The following LRRC28 variants were observed in gnomAD, a reference collection of about 807,000 sequenced individuals.
LRRC28 encodes leucine-rich repeat-containing protein 28.
Under a neutral mutation model 45.7 loss-of-function variants are expected in LRRC28, and 39 were observed. The ratio of observed to expected loss-of-function variants is 0.85; its 90% CI spans 0.66 to 1.12. The LOEUF (loss-of-function observed/expected upper bound fraction) is 1.12, where lower values mean the gene tolerates loss of function less well. LRRC28 is among the 50% of genes most tolerant of loss of function. LRRC28 has a pLI of 0.00. For synonymous variants in LRRC28, 206 were observed against 178.8 expected, an observed-to-expected ratio of 1.15 and a Z score of -1.22; for missense variants, 435 against 438.5, an observed-to-expected ratio of 0.99 and a Z score of 0.07.
At chr15:99,318,204 G>A (rs1260614877) in intron 5 of LRRC28, among the ~76,000 whole-genome samples, 1 of 152,080 alleles carries the variant, frequency 6.6e-6, no homozygotes, top group Non-Finnish European at 1.5e-5. Flanking sequence ...TTGCATAAAA[G>A]CATTATATAT....
rs892798152 is a variant in LRRC28 at position 99,321,950 on chromosome 15, T to G, written c.386-11973T>G. On this transcript the variant is annotated intron_variant, in intron 5 of 9. Coordinates refer to ENST00000301981, the MANE Select transcript of LRRC28 (RefSeq NM_144598.5). ...TAAATAGGATGCTACAATTGAGAAA[T>G]AGGGAATCTGCTTGAAGTCAGGGAA... 2.0e-5 allele frequency among the ~76,000 whole-genome samples: 3 copies of G among 152,126 alleles called. No individual in the cohort carries two copies. The East Asian group carries it at 5.8e-4, about 29-fold the overall frequency.
chr15:99,376,058 TA>T (rs760977861), intron 9 of LRRC28, among the ~76,000 whole-genome samples: 86 of 152,238 alleles, frequency 5.6e-4, no homozygotes, highest in Non-Finnish European at 4.4e-4. Context: ...CTCAAATCAA[TA>T]ATCTAGGCTT....
chr15:99,331,691 T>G (rs1238747274), intron 5 of LRRC28, among the ~76,000 whole-genome samples: 5 of 152,154 alleles, frequency 3.3e-5, no homozygotes, highest in Non-Finnish European at 5.9e-5. Flanking sequence ...AAGCTCTCTC[T>G]CTCTCTCTCT....
At position 99,257,545 on chromosome 15, in the gene LRRC28, G is replaced by C. The variant is rs73471364; in HGVS notation, c.168+1420G>C. The C allele has an allele frequency of 4.5e-3, 2,231 of 492,860 alleles. 52 individuals carry two copies. Among genetic ancestry groups the C allele is most frequent in the African/African-American group, 0.039 (2,015 of 51,330 alleles). The allele number at this position is 492,860 out of a possible 1,614,324, so 30.5% of individuals were successfully genotyped here. A position where few individuals can be genotyped will look rare whatever the true frequency, so the allele number is the denominator to read the frequency against. The stretch of plus-strand genomic sequence containing the variant: ...AATTTGTGGGCGGACCACGCGGCTG[G>C]AGGTGTGAGGATCCAACCCGGGGGT... On this transcript the variant is annotated intron_variant, in intron 2 of 9. Coordinates refer to ENST00000301981, the MANE Select transcript of LRRC28 (RefSeq NM_144598.5).
In LRRC28 at chr15:99,389,842, G is replaced by A. The variant is rs530494041; in HGVS notation, c.*3740G>A. On this transcript the variant is annotated 3_prime_UTR_variant, in exon 10 of 10. Transcript: ENST00000301981. ...TATGTCTATCTAAAAATCAAGTCTCGGCAGTGGCTCATGCCTATAATCCCA... is the reference window on the plus strand; with the variant it reads ...TATGTCTATCTAAAAATCAAGTCTCAGCAGTGGCTCATGCCTATAATCCCA... The A allele has an allele frequency of 9.2e-5, 14 of 152,058 alleles. No homozygotes were observed. The highest frequency in any genetic ancestry group is 2.4e-4 in the African/African-American group (10 of 41,486). 9.4% of individuals were successfully genotyped at this position (152,058 alleles called of 1,614,324 possible).
At chr15:99,336,974 A>G (rs2152298108) in intron 6 of LRRC28, among the ~76,000 whole-genome samples, 1 of 152,254 alleles carries the variant, frequency 6.6e-6, no homozygotes, top group South Asian at 2.1e-4. Flanking sequence ...CTCTTGTCTG[A>G]TACTCACATG....
chr15:99,256,215 G>A, intron 2 of LRRC28, 90 bp downstream of exon 2: 1 of 963,628 alleles, frequency 1.0e-6, no homozygotes, highest in African/African-American at 1.7e-5. Flanking sequence ...TTCAGACCAA[G>A]ACTTATATCC....
chr15:99,282,100 G>C (rs1341126200), intron 3 of LRRC28, among the ~76,000 whole-genome samples: 1 of 149,202 alleles, frequency 6.7e-6, no homozygotes, highest in Non-Finnish European at 1.5e-5. Context: ...TATCCTGTTA[G>C]AGTTTTTCTT....
chr15:99,266,280 A>G (rs2081330493), intron 2 of LRRC28, among the ~76,000 whole-genome samples: 1 of 152,218 alleles, frequency 6.6e-6, no homozygotes, highest in Admixed American at 6.5e-5. Flanking sequence ...AAAAGAATAC[A>G]GATAGCAAAA....
intron 6 of LRRC28, among the ~76,000 whole-genome samples, chr15:99,348,042 T>C (rs538116851): frequency 6.6e-6 from 1 of 152,366 alleles, no homozygotes; most frequent in South Asian, 2.1e-4. Context: ...GTTGAGCACC[T>C]TTTCATCTAC....
intron 5 of LRRC28, among the ~76,000 whole-genome samples, chr15:99,330,431 A>G (rs994520188): frequency 1.3e-5 from 2 of 152,042 alleles, no homozygotes; most frequent in Non-Finnish European, 2.9e-5. Flanking sequence ...TTACATGTCT[A>G]TATATTTATA....
chr15:99,341,799 TCA>T (rs1179632869), intron 6 of LRRC28, among the ~76,000 whole-genome samples: 2 of 152,226 alleles, frequency 1.3e-5, no homozygotes, highest in Non-Finnish European at 2.9e-5. Context: ...GTTCTAGAAC[TCA>T]CAGCTTTTTA....
chr15:99,383,548 C>G (rs1957893235), intron 9 of LRRC28, among the ~76,000 whole-genome samples: 1 of 152,194 alleles, frequency 6.6e-6, no homozygotes, highest in African/African-American at 2.4e-5. Context: ...GTCTGTTTCT[C>G]TGTAGTGGGC....
intron 9 of LRRC28, among the ~76,000 whole-genome samples, chr15:99,380,917 G>A (rs1275502677): frequency 7.2e-5 from 11 of 152,226 alleles, no homozygotes; most frequent in Admixed American, 7.2e-4. Context: ...CGTCTGATGG[G>A]CTTTCCTTTG....
Position 99,343,791 on chromosome 15 carries a change from T to G in LRRC28, c.593-8578T>G, listed in dbSNP as rs75827835. On this transcript the variant is annotated intron_variant, in intron 6 of 9. Transcript: ENST00000301981. ...GAGTGATCTCTTCCAAAGTTAATTATTGAGTGAAGGGTTTTTTATCTTAAG... is the reference window on the plus strand; with the variant it reads ...GAGTGATCTCTTCCAAAGTTAATTAGTGAGTGAAGGGTTTTTTATCTTAAG... Among the ~76,000 whole-genome samples the G allele has an allele frequency of 6.6e-3, 1,003 of 152,320 alleles. 10 individuals carry two copies. Among genetic ancestry groups the G allele is most frequent in the African/African-American group, 0.024 (977 of 41,556 alleles).
intron 5 of LRRC28, among the ~76,000 whole-genome samples, chr15:99,323,189 CT>C (rs1412108204): frequency 3.3e-5 from 5 of 152,152 alleles, no homozygotes; most frequent in African/African-American, 1.2e-4. Flanking sequence ...TTTTGGCTCC[CT>C]GGTCTGTGAG....
intron 5 of LRRC28, among the ~76,000 whole-genome samples, chr15:99,307,670 A>C (rs1440631067): frequency 6.6e-6 from 1 of 152,176 alleles, no homozygotes; most frequent in African/African-American, 2.4e-5. Context: ...CTATCCTCTT[A>C]GAGTCCACAC....
intron 3 of LRRC28, among the ~76,000 whole-genome samples, chr15:99,278,957 C>G (rs2089708): frequency 0.096 from 14,578 of 152,248 alleles, 992 homozygotes; most frequent in East Asian, 0.32. Context: ...GGCTAGAGCA[C>G]TTCCCTCATT....
intron 4 of LRRC28, 101 bp from the exon 5 acceptor site, chr15:99,287,713 G>A: frequency 7.6e-7 from 1 of 1,309,530 alleles, no homozygotes; most frequent in Non-Finnish European, 1.0e-6. Flanking sequence ...CTGAGACAAG[G>A]AAATTAAGTA....
Sources: gnomAD v4.1 joint callset for allele counts (sites outside exome capture counted in the v4.1 genomes callset) on GRCh38, gnomAD v4.1.1 for gene constraint, MANE v1.5 for transcripts, NCBI Gene and HGNC (gene_info 2026-07-23, HGNC 2026-07-21) for gene names.